Variants in DISP3 observed in about 807,000 individuals in gnomAD.
DISP3 encodes protein dispatched homolog 3.
DISP3 carries 101 observed loss-of-function variants against 135.3 expected under a neutral mutation model. The ratio of observed to expected loss-of-function variants is 0.75; its 90% CI spans 0.64 to 0.88. The LOEUF (loss-of-function observed/expected upper bound fraction) is 0.88. Ranked by LOEUF, DISP3 falls within the 40% of genes least tolerant of loss-of-function variation. The pLI is 0.00. For missense variants in DISP3, 1,713 were observed against 1,878.6 expected (o/e 0.91, Z 1.63); for synonymous variants, 856 against 817.0 (o/e 1.05, Z -0.81).
intron 11 of DISP3, 109 bp downstream of exon 11, chr1:11,524,164 T>C: frequency 1.2e-6 from 1 of 841,978 alleles, no homozygotes; most frequent in Non-Finnish European, 1.9e-6. Context: ...AGAAGGAGAT[T>C]GTGTGTTCCT....
At chr1:11,506,486 TG>T (rs1382881835) in intron 3 of DISP3, among the ~76,000 whole-genome samples, 1 of 152,168 alleles carries the variant, frequency 6.6e-6, no homozygotes, top group Non-Finnish European at 1.5e-5. Flanking sequence ...TCACTGATCC[TG>T]CTTTCTATTT....
At chr1:11,487,670 G>A (rs916236018) in intron 1 of DISP3, among the ~76,000 whole-genome samples, 18 of 152,148 alleles carry the variant, frequency 1.2e-4, no homozygotes, top group African/African-American at 4.3e-4. Flanking sequence ...AGTAATGAGG[G>A]GCCCAGAACA....
rs1642379895 is a variant in DISP3, at chr1:11,525,278, T to C, written c.2579T>C (p.Val860Ala). 6.8e-6 allele frequency: 11 copies of C among 1,613,824 alleles called. No homozygotes were observed. Among genetic ancestry groups the C allele is most frequent in the Non-Finnish European group, 9.3e-6 (11 of 1,179,896 alleles). ...AGCCTGCCTGCTCCTTGGCAGGCTG[T>C]GTCGCCTGGGGATGGAGAGGTGCCC... ...NASLPAPWQAVSPGDGEVPSF... is the reference protein window; with the variant it reads ...NASLPAPWQAASPGDGEVPSF... Residue 860 changes from valine (V) to alanine (A), a missense_variant, in exon 12 of 21, where the codon GTG becomes GCG. By Grantham distance (64) the Val-to-Ala change is moderately conservative. Coordinates refer to ENST00000294484, the MANE Select transcript of DISP3 (RefSeq NM_020780.2).
chr1:11,486,005 G>T (rs769914465), intron 1 of DISP3, among the ~76,000 whole-genome samples: 1 of 152,190 alleles, frequency 6.6e-6, no homozygotes, highest in Non-Finnish European at 1.5e-5. Flanking sequence ...GGGTAATTGT[G>T]CATAGGGACT....
intron 3 of DISP3, among the ~76,000 whole-genome samples, chr1:11,510,499 T>C (rs187615087): frequency 6.6e-6 from 1 of 152,338 alleles, no homozygotes; most frequent in African/African-American, 2.4e-5. Flanking sequence ...TTTATTTTAA[T>C]GTATATTATA....
chr1:11,500,889 A>T, intron 1 of DISP3, 101 bp from the exon 2 acceptor site: 1 of 1,310,140 alleles, frequency 7.6e-7, no homozygotes, highest in Admixed American at 2.2e-5. Context: ...GTATTTGGTT[A>T]TGAGTGGACA....
chr1:11,511,894 A>G (rs1256956212), intron 3 of DISP3, among the ~76,000 whole-genome samples: 1 of 152,194 alleles, frequency 6.6e-6, no homozygotes, highest in Non-Finnish European at 1.5e-5. Context: ...CCAAATCTCA[A>G]TTCTTGACTT....
intron 10 of DISP3, among the ~76,000 whole-genome samples, chr1:11,522,926 A>G (rs144972856): frequency 0.12 from 1,729 of 14,184 alleles, 160 homozygotes; most frequent in Non-Finnish European, 0.14. Context: ...CCCAGCAAGG[A>G]CCCAGCCAGG....
chr1:11,481,426 C>T (rs371930355), intron 1 of DISP3: 3 of 152,202 alleles, frequency 2.0e-5, no homozygotes, highest in African/African-American at 4.8e-5. Flanking sequence ...GAACCCCCCT[C>T]GAGATCTGGC....
chr1:11,526,893 TTC>T (rs1642436881), intron 13 of DISP3, 58 bp downstream of exon 13: 5 of 1,522,884 alleles, frequency 3.3e-6, no homozygotes, highest in Admixed American at 3.9e-5. Context: ...CTTTGCCCTT[TTC>T]TCTCTTTTCT....
At chr1:11,492,757 G>C (rs995441168) in intron 1 of DISP3, among the ~76,000 whole-genome samples, 1 of 152,208 alleles carries the variant, frequency 6.6e-6, no homozygotes, top group Non-Finnish European at 1.5e-5. Flanking sequence ...CTGGGGCTGG[G>C]GCAGGAGATA....
At chr1:11,497,493 A>G (rs898835264) in intron 1 of DISP3, among the ~76,000 whole-genome samples, 6 of 152,070 alleles carry the variant, frequency 3.9e-5, no homozygotes. Flanking sequence ...GGTTCAGGCC[A>G]TTCTCTTGCC....
chr1:11,495,340 G>A (rs1423397169), intron 1 of DISP3, among the ~76,000 whole-genome samples: 1 of 152,142 alleles, frequency 6.6e-6, no homozygotes, highest in Non-Finnish European at 1.5e-5. Context: ...GCAGTGAGCT[G>A]AGATCGCACC....
At position 11,529,207 on chromosome 1, in the gene DISP3, C is replaced by T. The variant is rs1418268646; in HGVS notation, c.2799-349C>T. On this transcript the variant is annotated intron_variant, in intron 13 of 20. Coordinates refer to ENST00000294484, the MANE Select transcript of DISP3 (RefSeq NM_020780.2). This position sits in a 1 kb window ranked among gnomAD's most constrained non-coding sequence, Gnocchi z 4.7. ...CTGAGCGAGGACCACTAGGGTTGGC[C>T]CTGGGGGTCCCTCCTGAACCCTCGT... Among the ~76,000 whole-genome samples the T allele has an allele frequency of 6.6e-6, 1 of 152,118 alleles. No individual in the cohort carries two copies. Among genetic ancestry groups the T allele is most frequent in the African/African-American group, 2.4e-5 (1 of 41,406 alleles).
Position 11,479,254 on chromosome 1 carries a change from T to C in DISP3, c.-122T>C. On this transcript the variant is annotated 5_prime_UTR_variant, in exon 1 of 21. Coordinates refer to ENST00000294484, the MANE Select transcript of DISP3 (RefSeq NM_020780.2). ...CAGCCTCCTGCGGCTCCGAGAAGCT[T>C]CCCCCTGCGACTTCCGCGAGGAGAC... The C allele has an allele frequency of 6.3e-6, 1 of 159,676 alleles. No individual in the cohort carries two copies. 9.9% of individuals were successfully genotyped at this position (159,676 alleles called of 1,614,324 possible).
At chr1:11,513,310 C>G (rs1641910454) in intron 3 of DISP3, among the ~76,000 whole-genome samples, 1 of 152,122 alleles carries the variant, frequency 6.6e-6, no homozygotes, top group Non-Finnish European at 1.5e-5. Flanking sequence ...AATAAAATCT[C>G]TTTTAGTACA....
Position 11,516,147 on chromosome 1 carries a change from A to G in DISP3, c.1735A>G (p.Asn579Asp). The G allele has an allele frequency of 6.2e-7, 1 of 1,614,014 alleles. No homozygotes were observed. ...SLTTAAAYAA[N>D]VFSQIPAVHD... ...GACCACAGCCGCCGCCTACGCAGCT[A>G]ACGTCTTCTCCCAGGTGCGGACCTG... Residue 579 changes from asparagine to aspartate, a missense_variant, in exon 6 of 21, where the codon AAC becomes GAC. Physicochemically the swap from Asn to Asp is conservative, Grantham distance 23. Coordinates refer to ENST00000294484, the MANE Select transcript of DISP3 (RefSeq NM_020780.2). This position sits in a 1 kb window ranked among gnomAD's most constrained non-coding sequence, Gnocchi z 5.1.
rs369292462 is a variant in DISP3 at position 11,536,349 on chromosome 1, G to C, written c.3842G>C (p.Arg1281Pro). 6.2e-7 allele frequency: 1 copy of C among 1,603,940 alleles called. No individual in the cohort carries two copies. Among genetic ancestry groups the C allele is most frequent in the Non-Finnish European group, 8.5e-7 (1 of 1,179,770 alleles). The change falls in exon 21 of 21, where the codon CGT becomes CCT. Residue 1281 changes from arginine to proline, a missense_variant. Coordinates refer to ENST00000294484, the MANE Select transcript of DISP3 (RefSeq NM_020780.2). This position sits in a 1 kb window ranked among gnomAD's most constrained non-coding sequence, Gnocchi z 4.3. Reference sequence around the variant, plus strand: ...GACGCCCGAACGCAGCGCCAGTGGCGTACGCTGGAGGCCGTGCGGCACGTG... The same window carrying C: ...GACGCCCGAACGCAGCGCCAGTGGCCTACGCTGGAGGCCGTGCGGCACGTG... ...AEDARTQRQW[R>P]TLEAVRHVGV...
intron 1 of DISP3, among the ~76,000 whole-genome samples, chr1:11,494,180 T>C (rs1641265537): frequency 6.6e-6 from 1 of 152,210 alleles, no homozygotes; most frequent in Non-Finnish European, 1.5e-5. Context: ...TGATTTTGCT[T>C]CTGTAAAAAG....
Sources: allele counts gnomAD v4.1 joint callset (sites outside exome capture counted in the v4.1 genomes callset), GRCh38; gene constraint gnomAD v4.1.1; non-coding constraint Gnocchi (gnomAD v3.1); transcripts MANE v1.5; gene names NCBI Gene and HGNC (gene_info 2026-07-23, HGNC 2026-07-21).